Variants in SLC16A7 observed in about 807,000 individuals in gnomAD.
The protein encoded by SLC16A7 is solute carrier family 16 member 7.
In SLC16A7, 33 loss-of-function variants were observed where a neutral mutation model predicts 34.9. The observed-to-expected ratio is 0.94, with a 90% CI of 0.72 to 1.26. The LOEUF is 1.26. Ranked by LOEUF, SLC16A7 falls within the 50% of genes most tolerant of loss-of-function variation. SLC16A7 has a pLI of 0.00. For missense variants in SLC16A7, 573 were observed against 578.1 expected, an observed-to-expected ratio of 0.99 and a Z score of 0.09; for synonymous variants, 201 against 206.6, an observed-to-expected ratio of 0.97 and a Z score of 0.23.
chr12:59,704,796 G>C lies in SLC16A7; in HGVS notation c.-6G>C, dbSNP rs1411451909. ...GGTTACTTGAATTTCCACTAGAGGA[G>C]CAGAAATGCCACCAATGCCAAGTGC... is the stretch of plus-strand genomic sequence containing the variant. On this transcript the variant is annotated 5_prime_UTR_variant, in exon 3 of 6. Coordinates refer to ENST00000547379, the MANE Select transcript of SLC16A7 (RefSeq NM_001270623.2). 2 of 1,606,040 alleles carry C rather than the reference G, an allele frequency of 1.2e-6. No homozygotes were observed. Among genetic ancestry groups the C allele is most frequent in the East Asian group, 2.2e-5 (1 of 44,686 alleles).
At chr12:59,720,454 C>T (rs1875443193) in intron 3 of SLC16A7, among the ~76,000 whole-genome samples, 1 of 151,992 alleles carries the variant, frequency 6.6e-6, no homozygotes, top group Non-Finnish European at 1.5e-5. Flanking sequence ...TGATGTCAGA[C>T]CAAGGAATGT....
At chr12:59,686,010 G>T (rs1871129305) in intron 2 of SLC16A7, among the ~76,000 whole-genome samples, 1 of 151,412 alleles carries the variant, frequency 6.6e-6, no homozygotes. Context: ...GCCTTTGGGA[G>T]CCTCTAGTAT....
At chr12:59,685,407 G>GT (rs1170888484) in intron 2 of SLC16A7, among the ~76,000 whole-genome samples, 1 of 152,042 alleles carries the variant, frequency 6.6e-6, no homozygotes, top group Non-Finnish European at 1.5e-5. Context: ...ACATTAATGG[G>GT]TTTTTTTGAT....
At chr12:59,612,134 C>T (rs941827071) in intron 1 of SLC16A7, among the ~76,000 whole-genome samples, 5 of 152,218 alleles carry the variant, frequency 3.3e-5, no homozygotes, top group Non-Finnish European at 7.3e-5. Context: ...CTGTCCTCAG[C>T]AGAGTTTCTC....
intron 5 of SLC16A7, among the ~76,000 whole-genome samples, chr12:59,776,025 T>A (rs13378061): frequency 0.037 from 5,650 of 152,200 alleles, 324 homozygotes; most frequent in African/African-American, 0.13. Context: ...TTATTCACAG[T>A]TTTTTTGAGG....
chr12:59,718,356 A>T (rs1019259254), intron 3 of SLC16A7, among the ~76,000 whole-genome samples: 12 of 152,090 alleles, frequency 7.9e-5, no homozygotes, highest in East Asian at 1.9e-4. Context: ...TTTTTACTAA[A>T]TATCTAAACA....
intron 1 of SLC16A7, among the ~76,000 whole-genome samples, chr12:59,649,447 G>T (rs1868303715): frequency 6.6e-6 from 1 of 152,140 alleles, no homozygotes; most frequent in Non-Finnish European, 1.5e-5. Flanking sequence ...TTGGTTTAAA[G>T]GTGTTTTGCT....
intron 1 of SLC16A7, among the ~76,000 whole-genome samples, chr12:59,636,507 C>T (rs942946247): frequency 2.0e-4 from 31 of 151,936 alleles, no homozygotes; most frequent in African/African-American, 6.8e-4. Flanking sequence ...CTGTGTTGCC[C>T]AGGTTGTAGT....
chr12:59,597,977 C>G (rs1454205422), intron 1 of SLC16A7, among the ~76,000 whole-genome samples: 1 of 152,148 alleles, frequency 6.6e-6, no homozygotes, highest in African/African-American at 2.4e-5. Flanking sequence ...TCTAGACATT[C>G]ATTTGCTCTT....
intron 1 of SLC16A7, among the ~76,000 whole-genome samples, chr12:59,639,485 G>A (rs1156624753): frequency 1.3e-5 from 2 of 152,166 alleles, no homozygotes; most frequent in Admixed American, 1.3e-4. Context: ...CCGGGCTCAA[G>A]CTATCCTCCT....
At chr12:59,639,396 G>T (rs1262690820) in intron 1 of SLC16A7, among the ~76,000 whole-genome samples, 3 of 152,006 alleles carry the variant, frequency 2.0e-5, no homozygotes, top group African/African-American at 7.2e-5. Flanking sequence ...TTGTCATTCT[G>T]GTTTTTGAGA....
At chr12:59,733,529 C>G (rs1346661607) in intron 3 of SLC16A7, among the ~76,000 whole-genome samples, 3 of 152,134 alleles carry the variant, frequency 2.0e-5, no homozygotes, top group Non-Finnish European at 1.5e-5. Context: ...TGCAGTGGTG[C>G]CTGGAAGCTT....
intron 3 of SLC16A7, among the ~76,000 whole-genome samples, chr12:59,727,635 A>T (rs932408211): frequency 2.0e-5 from 3 of 152,238 alleles, no homozygotes; most frequent in Non-Finnish European, 4.4e-5. Context: ...CAAAGGAACA[A>T]AAAGTAGGGT....
At chr12:59,713,881 C>A (rs1331134394) in intron 3 of SLC16A7, among the ~76,000 whole-genome samples, 2 of 152,178 alleles carry the variant, frequency 1.3e-5, no homozygotes, top group Non-Finnish European at 2.9e-5. Flanking sequence ...ACTGGTGTGG[C>A]ATTGGAAAAA....
At chr12:59,664,485 CATAACTT>C (rs1869034547) in intron 2 of SLC16A7, among the ~76,000 whole-genome samples, 1 of 152,080 alleles carries the variant, frequency 6.6e-6, no homozygotes, top group Non-Finnish European at 1.5e-5. Context: ...TGTTATTGTT[CATAACTT>C]ACAAATTACC....
At chr12:59,727,811 G>A (rs147462597) in intron 3 of SLC16A7, among the ~76,000 whole-genome samples, 2 of 152,038 alleles carry the variant, frequency 1.3e-5, no homozygotes, top group South Asian at 2.1e-4. Context: ...GTGTTGGGGG[G>A]GAGGTAGTGT....
At chr12:59,771,715 A>G (rs1455546891) in intron 4 of SLC16A7, among the ~76,000 whole-genome samples, 1 of 152,128 alleles carries the variant, frequency 6.6e-6, no homozygotes, top group Non-Finnish European at 1.5e-5. Context: ...GTTATTATAA[A>G]ACTTATTTTC....
chr12:59,775,086 C>G lies in SLC16A7; in HGVS notation c.791C>G (p.Pro264Arg). The G allele has an allele frequency of 6.2e-7, 1 of 1,613,832 alleles. No individual in the cohort carries two copies. Among genetic ancestry groups the G allele is most frequent in the African/African-American group, 1.3e-5 (1 of 74,970 alleles). ...NVIMFLGFFA[P>R]IIFLAPYAKD... Reference sequence around the variant, plus strand: ...ATTATGTTCCTAGGTTTTTTTGCCCCCATTATATTCTTGGCTCCATATGCT... The same window carrying G: ...ATTATGTTCCTAGGTTTTTTTGCCCGCATTATATTCTTGGCTCCATATGCT... Residue 264 changes from proline to arginine, a missense_variant, in exon 5 of 6, where the codon CCC becomes CGC. Coordinates refer to ENST00000547379, the MANE Select transcript of SLC16A7 (RefSeq NM_001270623.2).
chr12:59,612,188 C>T (rs987201853), intron 1 of SLC16A7, among the ~76,000 whole-genome samples: 8 of 152,252 alleles, frequency 5.3e-5, no homozygotes, highest in Non-Finnish European at 1.0e-4. Flanking sequence ...CTCGACATCT[C>T]GGCATTTCCA....
Sources: allele counts gnomAD v4.1 joint callset (sites outside exome capture counted in the v4.1 genomes callset), GRCh38; gene constraint gnomAD v4.1.1; transcripts MANE v1.5; gene names NCBI Gene and HGNC (gene_info 2026-07-23, HGNC 2026-07-21).